The following KCNQ3 variants were observed in gnomAD, a reference collection of about 807,000 sequenced individuals.
KCNQ3 encodes the protein potassium voltage-gated channel subfamily Q member 3, also known as potassium voltage-gated channel subfamily KQT member 3.
A neutral mutation model predicts 92.5 loss-of-function variants in KCNQ3; 30 were observed. That is an observed-to-expected ratio of 0.32 (90% CI 0.24 to 0.44). KCNQ3 has a LOEUF of 0.44. KCNQ3 is among the 20% of genes least tolerant of loss of function. The pLI is 1.00. For synonymous variants in KCNQ3, 450 were observed against 468.8 expected (o/e 0.96, Z 0.52); for missense variants, 913 against 1,140.3 (o/e 0.80, Z 2.87).
At chr8:132,194,039 T>C (rs181547420) in intron 1 of KCNQ3, among the ~76,000 whole-genome samples, 445 of 152,326 alleles carry the variant, frequency 2.9e-3, no homozygotes, top group African/African-American at 0.01. Context: ...TGCTGGCTCC[T>C]GCTCTAATTA....
In KCNQ3 at chr8:132,124,747, G is replaced by T. The variant is rs1029904024; in HGVS notation, c.*4515C>A. On this transcript the variant is annotated 3_prime_UTR_variant, in exon 15 of 15. Coordinates refer to ENST00000388996, the MANE Select transcript of KCNQ3 (RefSeq NM_004519.4). The stretch of plus-strand genomic sequence containing the variant: ...CTGAAAAACAAGCCTTCAAGGACAA[G>T]TGAGGACATGAAGCAAATTCCTAAG... The T allele has an allele frequency of 6.6e-6, 1 of 152,216 alleles. No individual in the cohort carries two copies. Among genetic ancestry groups the T allele is most frequent in the East Asian group, 1.9e-4 (1 of 5,202 alleles). 9.4% of individuals were successfully genotyped at this position (152,216 alleles called of 1,614,324 possible). A position where few individuals can be genotyped will look rare whatever the true frequency, so the allele number is the denominator to read the frequency against.
Position 132,312,319 on chromosome 8 carries a change from T to A in KCNQ3, c.387-126138A>T, listed in dbSNP as rs141141786. Among the ~76,000 whole-genome samples the A allele has an allele frequency of 2.7e-3, 411 of 152,352 alleles. 5 individuals carry two copies. The highest frequency in any genetic ancestry group is 9.6e-3 in the African/African-American group (398 of 41,578). The stretch of plus-strand genomic sequence containing the variant: ...TAAAATGTGCCATATTTCTGCTTTT[T>A]GGTGCTGCTTTATGAATCAGCAGAT... On this transcript the variant is annotated intron_variant, in intron 1 of 14. Coordinates refer to ENST00000388996, the MANE Select transcript of KCNQ3 (RefSeq NM_004519.4).
At chr8:132,323,829 A>T (rs1014481466) in intron 1 of KCNQ3, among the ~76,000 whole-genome samples, 4 of 152,078 alleles carry the variant, frequency 2.6e-5, no homozygotes, top group Admixed American at 6.6e-5. Flanking sequence ...CTGCAGAAGT[A>T]GTCTTAAAAA....
chr8:132,441,731 T>G lies in KCNQ3; in HGVS notation c.386+38416A>C, dbSNP rs777228989. ...CCACAATGGCTAAACTAACTTAAAC[T>G]CACACCAGCAGTGTATAAGCATTCC... is the stretch of plus-strand genomic sequence containing the variant. On this transcript the variant is annotated intron_variant, in intron 1 of 14. Coordinates refer to ENST00000388996, the MANE Select transcript of KCNQ3 (RefSeq NM_004519.4). Among the ~76,000 whole-genome samples, 20 of 152,294 alleles carry G rather than the reference T, an allele frequency of 1.3e-4. No individual in the cohort carries two copies. In the South Asian group the frequency reaches 2.1e-3, roughly 16 times the overall value.
intron 1 of KCNQ3, among the ~76,000 whole-genome samples, chr8:132,243,425 G>A (rs1257238261): frequency 6.6e-6 from 1 of 152,238 alleles, no homozygotes; most frequent in African/African-American, 2.4e-5. Flanking sequence ...AGGTGACAAG[G>A]AGGGAATTCT....
intron 2 of KCNQ3, among the ~76,000 whole-genome samples, 161 bp downstream of exon 2, chr8:132,185,930 G>A (rs1224132951): frequency 6.6e-6 from 1 of 152,178 alleles, no homozygotes; most frequent in East Asian, 1.9e-4. Context: ...CCCATGGCGG[G>A]CCATACCAAG....
rs141143116 is a variant in KCNQ3 at position 132,302,779 on chromosome 8, C to G, written c.387-116598G>C. 5.1e-4 allele frequency among the ~76,000 whole-genome samples: 78 copies of G among 152,254 alleles called. No homozygotes were observed. In the East Asian group the frequency reaches 0.015, roughly 29 times the overall value. Reference sequence around the variant, plus strand: ...AGATGTTGAGTCATAATGGCTCTACCTAATTTTACTAGGAAATCCACCCAT... The same window carrying G: ...AGATGTTGAGTCATAATGGCTCTACGTAATTTTACTAGGAAATCCACCCAT... On this transcript the variant is annotated intron_variant, in intron 1 of 14. Coordinates refer to ENST00000388996, the MANE Select transcript of KCNQ3 (RefSeq NM_004519.4).
chr8:132,152,485 G>A (rs1206247102), intron 9 of KCNQ3, among the ~76,000 whole-genome samples: 2 of 152,130 alleles, frequency 1.3e-5, no homozygotes, highest in East Asian at 3.9e-4. Flanking sequence ...CAATACAATT[G>A]TTTGCATCAC....
chr8:132,470,924 T>C (rs1435079222), intron 1 of KCNQ3, among the ~76,000 whole-genome samples: 1 of 152,220 alleles, frequency 6.6e-6, no homozygotes, highest in Non-Finnish European at 1.5e-5. Context: ...TAGGTTCAGA[T>C]CATTTTAGGC....
At position 132,129,913 on chromosome 8, in the gene KCNQ3, C is replaced by T. The variant is rs1824811738; in HGVS notation, c.1968G>A (p.Glu656=). ...HMERLQVQVT[E]YYPTKGTSSP... ...AGGAGGTGCCCTTGGTTGGGTAATA[C>T]TCCGTGACCTGCACCTGCAACCGTT... The change falls in exon 15 of 15, where the codon GAG becomes GAA. Residue 656 remains glutamate (E), a synonymous_variant. Coordinates refer to ENST00000388996, the MANE Select transcript of KCNQ3 (RefSeq NM_004519.4). The surrounding 1 kb of genome is among the most constrained non-coding windows in gnomAD (Gnocchi z 5.9). 6.2e-7 allele frequency: 1 copy of T among 1,614,170 alleles called. No homozygotes were observed. The highest frequency in any genetic ancestry group is 1.1e-5 in the South Asian group (1 of 91,084).
At chr8:132,385,896 T>A (rs1819879442) in intron 1 of KCNQ3, among the ~76,000 whole-genome samples, 1 of 151,612 alleles carries the variant, frequency 6.6e-6, no homozygotes, top group Non-Finnish European at 1.5e-5. Context: ...GCATATAAGT[T>A]AAAATTTGTT....
chr8:132,351,480 C>T (rs1040319844), intron 1 of KCNQ3, among the ~76,000 whole-genome samples: 11 of 152,232 alleles, frequency 7.2e-5, no homozygotes, highest in African/African-American at 2.4e-4. Context: ...GACGGGCTCA[C>T]CCCTTAGTGA....
intron 1 of KCNQ3, among the ~76,000 whole-genome samples, chr8:132,231,061 A>C (rs1399678903): frequency 2.6e-5 from 4 of 152,204 alleles, no homozygotes; most frequent in African/African-American, 9.6e-5. Flanking sequence ...ATATGAAGAC[A>C]CTCAGAGAAG....
intron 1 of KCNQ3, among the ~76,000 whole-genome samples, chr8:132,465,321 G>A (rs1822147921): frequency 6.6e-6 from 1 of 152,162 alleles, no homozygotes; most frequent in African/African-American, 2.4e-5. Context: ...TCAGAATTAT[G>A]TCACCAGGAT....
At chr8:132,304,043 C>T (rs1378847020) in intron 1 of KCNQ3, among the ~76,000 whole-genome samples, 1 of 151,894 alleles carries the variant, frequency 6.6e-6, no homozygotes, top group Non-Finnish European at 1.5e-5. Flanking sequence ...AGTGAAATAA[C>T]TTAAAAACAG....
chr8:132,263,768 G>A (rs901131307), intron 1 of KCNQ3, among the ~76,000 whole-genome samples: 2 of 152,190 alleles, frequency 1.3e-5, no homozygotes, highest in East Asian at 1.9e-4. Flanking sequence ...CTCAGTGCTT[G>A]GCCAGCCTGT....
intron 1 of KCNQ3, among the ~76,000 whole-genome samples, chr8:132,326,325 G>A (rs1818051587): frequency 6.6e-6 from 1 of 152,164 alleles, no homozygotes; most frequent in Non-Finnish European, 1.5e-5. Context: ...ACCAATAGCA[G>A]GTGGAGATTC....
intron 8 of KCNQ3, among the ~76,000 whole-genome samples, chr8:132,167,351 G>A (rs1050841352): frequency 6.6e-6 from 1 of 152,112 alleles, no homozygotes; most frequent in Non-Finnish European, 1.5e-5. Flanking sequence ...ATTAGATAGT[G>A]GTGATTGATA....
intron 1 of KCNQ3, among the ~76,000 whole-genome samples, chr8:132,285,797 G>C (rs1439620671): frequency 6.6e-6 from 1 of 152,184 alleles, no homozygotes; most frequent in Non-Finnish European, 1.5e-5. Flanking sequence ...AGAAGCCTAA[G>C]AGGGCAGAAT....
Sources: gnomAD v4.1 joint callset for allele counts (sites outside exome capture counted in the v4.1 genomes callset) on GRCh38, gnomAD v4.1.1 for gene constraint, Gnocchi (gnomAD v3.1) non-coding constraint, MANE v1.5 for transcripts, NCBI Gene and HGNC (gene_info 2026-07-23, HGNC 2026-07-21) for gene names.